SLC10A7: variants seen among roughly 807,000 people sequenced by gnomAD.
The protein encoded by SLC10A7 is solute carrier family 10 member 7, also known as sodium/bile acid cotransporter 7.
A neutral mutation model predicts 43.2 loss-of-function variants in SLC10A7; 29 were observed. That is an observed-to-expected ratio of 0.67 (90% CI 0.50 to 0.92). The LOEUF is 0.92. SLC10A7 is among the 40% of genes least tolerant of loss of function. The probability of loss-of-function intolerance (pLI) is 0.00; values close to 1 mark genes in which losing one functional copy is unlikely to be tolerated. For synonymous variants in SLC10A7, 152 were observed against 144.8 expected (o/e 1.05, Z -0.35); for missense variants, 295 against 403.2 (o/e 0.73, Z 2.30).
intron 4 of SLC10A7, among the ~76,000 whole-genome samples, chr4:146,491,208 T>C (rs542110824): frequency 1.3e-4 from 20 of 151,780 alleles, no homozygotes; most frequent in Non-Finnish European, 1.5e-5. Flanking sequence ...CTGTAGGTGC[T>C]GACAGATCAG....
intron 4 of SLC10A7, among the ~76,000 whole-genome samples, chr4:146,476,794 T>C (rs940726866): frequency 6.6e-6 from 1 of 152,148 alleles, no homozygotes; most frequent in Non-Finnish European, 1.5e-5. Flanking sequence ...CTGACTCAAC[T>C]TACATTCAAA....
intron 7 of SLC10A7, among the ~76,000 whole-genome samples, chr4:146,302,153 C>T (rs13114641): frequency 0.82 from 124,580 of 152,186 alleles, 51,796 homozygotes; most frequent in African/African-American, 0.95. Context: ...CAAGATCTAC[C>T]ATGAGAAGAA....
chr4:146,412,441 C>T (rs915353472), intron 5 of SLC10A7, among the ~76,000 whole-genome samples: 2 of 152,054 alleles, frequency 1.3e-5, no homozygotes, highest in African/African-American at 4.8e-5. Flanking sequence ...ATAAAGCACA[C>T]AAATATGCCT....
At chr4:146,417,882 A>G (rs1728684270) in intron 5 of SLC10A7, among the ~76,000 whole-genome samples, 2 of 152,104 alleles carry the variant, frequency 1.3e-5, no homozygotes, top group Non-Finnish European at 2.9e-5. Context: ...TCCCTTAAGG[A>G]CAAACATTTG....
chr4:146,453,165 C>A (rs766304302), intron 4 of SLC10A7, among the ~76,000 whole-genome samples: 4 of 151,688 alleles, frequency 2.6e-5, no homozygotes, highest in Non-Finnish European at 5.9e-5. Flanking sequence ...ATTTAATATT[C>A]TAAATCTTGA....
chr4:146,282,745 T>G (rs774311001), intron 10 of SLC10A7, among the ~76,000 whole-genome samples: 1 of 152,186 alleles, frequency 6.6e-6, no homozygotes, highest in Non-Finnish European at 1.5e-5. Context: ...GAAATAAGCA[T>G]CAAACTAATG....
intron 5 of SLC10A7, among the ~76,000 whole-genome samples, chr4:146,369,401 G>A (rs1408209112): frequency 2.6e-5 from 4 of 152,166 alleles, no homozygotes; most frequent in African/African-American, 9.6e-5. Flanking sequence ...ATTATCATTA[G>A]TCTTTTTGGA....
intron 5 of SLC10A7, among the ~76,000 whole-genome samples, chr4:146,411,388 A>C (rs1021543452): frequency 3.3e-5 from 5 of 152,236 alleles, no homozygotes; most frequent in Non-Finnish European, 7.3e-5. Flanking sequence ...CTGCTTTAAA[A>C]TTCCATATTA....
intron 2 of SLC10A7, among the ~76,000 whole-genome samples, chr4:146,510,913 C>T (rs1737401494): frequency 6.6e-6 from 1 of 152,220 alleles, no homozygotes; most frequent in Non-Finnish European, 1.5e-5. Flanking sequence ...TTTCCTTCCA[C>T]AGTCTATTCA....
intron 5 of SLC10A7, among the ~76,000 whole-genome samples, chr4:146,371,621 C>T (rs1407349281): frequency 6.6e-6 from 1 of 152,162 alleles, no homozygotes; most frequent in East Asian, 1.9e-4. Flanking sequence ...GTTAGCCTGC[C>T]AGAGCTGGCA....
chr4:146,386,827 G>A lies in SLC10A7; in HGVS notation c.435+55956C>T, dbSNP rs534308386. 3.3e-5 allele frequency among the ~76,000 whole-genome samples: 5 copies of A among 152,182 alleles called. No individual in the cohort carries two copies. In the East Asian group the frequency reaches 9.7e-4, roughly 29 times the overall value. ...TTTCTTCTTGGAAGGACAATTATTT[G>A]TATATATGTCTCTCTCCCTTAATAG... On this transcript the variant is annotated intron_variant, in intron 5 of 11. Transcript: ENST00000335472.
chr4:146,350,399 T>TCCCACG (rs1578956071), intron 5 of SLC10A7, among the ~76,000 whole-genome samples: 1 of 142,316 alleles, frequency 7.0e-6, no homozygotes. Context: ...GGAATCTCGC[T>TCCCACG]GATTGCTAGC....
rs1738714792 is a variant in SLC10A7 at position 146,521,792 on chromosome 4, G to T, written c.-75C>A. 1.2e-5 allele frequency: 15 copies of T among 1,229,144 alleles called. No homozygotes were observed. In the East Asian group the frequency reaches 3.5e-4, roughly 29 times the overall value. The allele number at this position is 1,229,144 out of a possible 1,614,324, so 76.1% of individuals were successfully genotyped here. ...TCAAGCTCCGATCACCTAATCCTTG[G>T]AGCGTCTCCACACTTTCCTTGGTCC... On this transcript the variant is annotated 5_prime_UTR_variant, in exon 1 of 12. Transcript: ENST00000335472.
At chr4:146,442,659 GA>G in intron 5 of SLC10A7, 123 bp downstream of exon 5, 8 of 1,508,352 alleles carry the variant, frequency 5.3e-6, no homozygotes, top group Non-Finnish European at 6.2e-6. Flanking sequence ...ACTGGCACAT[GA>G]AAAGATTCAA....
chr4:146,431,861 G>T (rs1009445178), intron 5 of SLC10A7, among the ~76,000 whole-genome samples: 25 of 152,142 alleles, frequency 1.6e-4, no homozygotes, highest in African/African-American at 5.3e-4. Context: ...ATAAGCTACA[G>T]ACTGGAACAA....
intron 5 of SLC10A7, among the ~76,000 whole-genome samples, chr4:146,356,231 T>C (rs1293360021): frequency 6.6e-6 from 1 of 152,058 alleles, no homozygotes; most frequent in East Asian, 1.9e-4. Context: ...ACTATGAGTT[T>C]ATAACTTTAC....
intron 4 of SLC10A7, among the ~76,000 whole-genome samples, chr4:146,448,534 C>A (rs1319503175): frequency 6.6e-6 from 1 of 152,044 alleles, no homozygotes; most frequent in Non-Finnish European, 1.5e-5. Context: ...GGTCCAACAC[C>A]CCTCTTTTTC....
At chr4:146,322,760 T>G (rs1409491266) in intron 6 of SLC10A7, among the ~76,000 whole-genome samples, 1 of 152,194 alleles carries the variant, frequency 6.6e-6, no homozygotes, top group Non-Finnish European at 1.5e-5. Context: ...CTGGGTCAAA[T>G]GGTATTTCTA....
At chr4:146,413,089 T>C (rs1728312013) in intron 5 of SLC10A7, among the ~76,000 whole-genome samples, 1 of 152,150 alleles carries the variant, frequency 6.6e-6, no homozygotes, top group Admixed American at 6.6e-5. Flanking sequence ...TCATTTATCC[T>C]TTAAAAATTG....
Sources: allele counts gnomAD v4.1 joint callset (sites outside exome capture counted in the v4.1 genomes callset), GRCh38; gene constraint gnomAD v4.1.1; transcripts MANE v1.5; gene names NCBI Gene and HGNC (gene_info 2026-07-23, HGNC 2026-07-21).